The following SLC38A6 variants were observed in gnomAD, a reference collection of about 807,000 sequenced individuals.
The protein encoded by SLC38A6 is solute carrier family 38 member 6, also known as N system amino acid transporter NAT-1.
In SLC38A6, 73 loss-of-function variants were observed where a neutral mutation model predicts 65.0. That is an observed-to-expected ratio of 1.12 (90% CI 0.93 to 1.37). SLC38A6 has a LOEUF of 1.37. SLC38A6 is among the 40% of genes most tolerant of loss of function. SLC38A6 has a pLI of 0.00. For synonymous variants in SLC38A6, 183 were observed against 178.8 expected, an observed-to-expected ratio of 1.02 and a Z score of -0.19; for missense variants, 561 against 531.1, an observed-to-expected ratio of 1.06 and a Z score of -0.55.
chr14:61,048,743 A>C (rs936960943), intron 12 of SLC38A6, among the ~76,000 whole-genome samples: 18 of 152,186 alleles, frequency 1.2e-4, no homozygotes, highest in Admixed American at 6.6e-5. Flanking sequence ...ACTTGCTCTG[A>C]TTACAGCTGT....
intron 5 of SLC38A6, among the ~76,000 whole-genome samples, chr14:61,020,342 T>G (rs2040279597): frequency 1.3e-5 from 2 of 152,172 alleles, no homozygotes; most frequent in African/African-American, 4.8e-5. Flanking sequence ...TGACATGTAC[T>G]TTGGATCTTA....
At chr14:61,007,871 CATT>C (rs2039267760) in intron 3 of SLC38A6, among the ~76,000 whole-genome samples, 1 of 151,924 alleles carries the variant, frequency 6.6e-6, no homozygotes, top group South Asian at 2.1e-4. Context: ...CCATGTATAA[CATT>C]ATCAATTAAG....
intron 6 of SLC38A6, among the ~76,000 whole-genome samples, chr14:61,036,452 G>A (rs2041376157): frequency 2.6e-5 from 4 of 151,748 alleles, no homozygotes; most frequent in Admixed American, 2.6e-4. Context: ...GGTGGGTGGG[G>A]GCAAGGGGAG....
chr14:61,043,536 A>C, intron 10 of SLC38A6, 33 bp downstream of exon 10: 3 of 1,508,826 alleles, frequency 2.0e-6, no homozygotes, highest in Non-Finnish European at 2.7e-6. Flanking sequence ...CTTTTAGTTG[A>C]TTTTTCACAT....
Position 61,025,309 on chromosome 14 carries a change from T to G in SLC38A6, c.404-5136T>G, listed in dbSNP as rs183326272. On this transcript the variant is annotated intron_variant, in intron 5 of 15. Transcript: ENST00000267488. The stretch of plus-strand genomic sequence containing the variant: ...TGCTTTCTTCCTGTATATTCATTCA[T>G]GCATTTTATTTATTTACTTTTTGGT... Among the ~76,000 whole-genome samples the G allele has an allele frequency of 6.6e-5, 10 of 152,332 alleles. No homozygotes were observed. The East Asian group carries it at 1.9e-3, about 29-fold the overall frequency.
chr14:61,041,852 A>G (rs1366562279), intron 8 of SLC38A6, among the ~76,000 whole-genome samples: 1 of 152,062 alleles, frequency 6.6e-6, no homozygotes, highest in Admixed American at 6.6e-5. Context: ...GTGAGCTGAG[A>G]TTGTGTTACT....
In SLC38A6 at chr14:60,990,773, C is replaced by T. The variant is rs190032840; in HGVS notation, c.310+5970C>T. Among the ~76,000 whole-genome samples, 4 of 152,240 alleles carry T rather than the reference C, an allele frequency of 2.6e-5. No homozygotes were observed. In the East Asian group the frequency reaches 5.8e-4, roughly 22 times the overall value. On this transcript the variant is annotated intron_variant, in intron 3 of 15. Transcript: ENST00000267488. ...GTAATCACAGGCACACATCACCATGCACGTCACCACACCTAACTAACCTCA... is the reference window on the plus strand; with the variant it reads ...GTAATCACAGGCACACATCACCATGTACGTCACCACACCTAACTAACCTCA...
At chr14:61,025,317 A>C (rs1362839611) in intron 5 of SLC38A6, among the ~76,000 whole-genome samples, 1 of 152,170 alleles carries the variant, frequency 6.6e-6, no homozygotes, top group Non-Finnish European at 1.5e-5. Flanking sequence ...CATGCATTTT[A>C]TTTATTTACT....
chr14:61,018,377 C>G (rs1450219385), intron 4 of SLC38A6, among the ~76,000 whole-genome samples: 1 of 152,186 alleles, frequency 6.6e-6, no homozygotes, highest in Non-Finnish European at 1.5e-5. Flanking sequence ...GTGGCAATCA[C>G]CACATCTCCA....
At chr14:61,061,086 G>C (rs899371002) in intron 15 of SLC38A6, among the ~76,000 whole-genome samples, 3 of 152,026 alleles carry the variant, frequency 2.0e-5, no homozygotes, top group African/African-American at 2.4e-5. Context: ...CGTCTTCTGC[G>C]TCGCTCACGC....
intron 3 of SLC38A6, among the ~76,000 whole-genome samples, chr14:61,004,921 G>T (rs559983803): frequency 0.013 from 1,955 of 152,058 alleles, 39 homozygotes; most frequent in African/African-American, 0.044. Flanking sequence ...TGATGAACAT[G>T]GATGCAAAAA....
At chr14:61,002,414 A>G (rs918199016) in intron 3 of SLC38A6, among the ~76,000 whole-genome samples, 3 of 152,232 alleles carry the variant, frequency 2.0e-5, no homozygotes, top group African/African-American at 7.2e-5. Flanking sequence ...TACATTCCCA[A>G]TGGCCAGCTT....
At chr14:61,049,460 T>C (rs2042373219) in intron 12 of SLC38A6, among the ~76,000 whole-genome samples, 1 of 152,170 alleles carries the variant, frequency 6.6e-6, no homozygotes. Context: ...TATAGTTTAG[T>C]ATATGGCCAT....
rs1474454820 is a variant in SLC38A6, at chr14:60,984,745, A to G, written c.252A>G (p.Thr84=). 1 of 1,613,838 alleles carries G rather than the reference A, an allele frequency of 6.2e-7. No individual in the cohort carries two copies. Among genetic ancestry groups the G allele is most frequent in the East Asian group, 2.2e-5 (1 of 44,858 alleles). The change falls in exon 3 of 16, where the codon ACA becomes ACG. Residue 84 remains threonine, a synonymous_variant. Coordinates refer to ENST00000267488, the MANE Select transcript of SLC38A6 (RefSeq NM_153811.3). ...GVFGFSFLLL[T]VALLASYSVH... is the part of the protein sequence containing the mutation. ...TATGTTTTAGCTTCTTGCTGCTGAC[A>G]GTTGCTCTCCTGGCTTCTTACTCAG...
intron 6 of SLC38A6, among the ~76,000 whole-genome samples, chr14:61,036,809 T>A (rs2041407691): frequency 6.6e-6 from 1 of 152,214 alleles, no homozygotes; most frequent in South Asian, 2.1e-4. Context: ...TATTTTTAAA[T>A]ATTTATTAAT....
At chr14:61,062,298 G>C (rs757013846) in intron 15 of SLC38A6, among the ~76,000 whole-genome samples, 4 of 152,160 alleles carry the variant, frequency 2.6e-5, no homozygotes, top group Non-Finnish European at 5.9e-5. Context: ...GTAAATTAGA[G>C]TTTCTGTTGT....
At chr14:61,027,626 T>C (rs1163369054) in intron 5 of SLC38A6, among the ~76,000 whole-genome samples, 1 of 152,180 alleles carries the variant, frequency 6.6e-6, no homozygotes, top group Non-Finnish European at 1.5e-5. Flanking sequence ...CAGTTCATTT[T>C]ATTGAGCTGA....
At chr14:61,045,957 T>C in intron 11 of SLC38A6, 110 bp from the exon 12 acceptor site, 1 of 615,818 alleles carries the variant, frequency 1.6e-6, no homozygotes, top group Non-Finnish European at 2.9e-6. Context: ...GTATAGTTAT[T>C]GATGGAGTTG....
intron 3 of SLC38A6, among the ~76,000 whole-genome samples, chr14:60,988,489 A>G (rs1484696542): frequency 6.6e-6 from 1 of 151,840 alleles, no homozygotes; most frequent in Non-Finnish European, 1.5e-5. Context: ...CAGTTCCTGA[A>G]CCTCTTCTTC....
Sources: gnomAD v4.1 joint callset for allele counts (sites outside exome capture counted in the v4.1 genomes callset) on GRCh38, gnomAD v4.1.1 for gene constraint, MANE v1.5 for transcripts, NCBI Gene and HGNC (gene_info 2026-07-23, HGNC 2026-07-21) for gene names.